The following SUGCT variants were observed in gnomAD, a reference collection of about 807,000 sequenced individuals.
SUGCT encodes the protein succinyl-CoA:glutarate-CoA transferase.
Under a neutral mutation model 55.0 loss-of-function variants are expected in SUGCT, and 41 were observed. The ratio of observed to expected loss-of-function variants is 0.74; its 90% CI spans 0.58 to 0.97. The LOEUF is 0.97. SUGCT is among the 50% of genes least tolerant of loss of function. The pLI, the probability that SUGCT is intolerant of heterozygous loss-of-function variation, is 0.00. For synonymous variants in SUGCT, 187 were observed against 200.4 expected (o/e 0.93, Z 0.56); for missense variants, 568 against 547.8 (o/e 1.04, Z -0.37).
rs1403827321 is a variant in SUGCT at position 40,459,267 on chromosome 7, A to G, written c.986+69A>G. 55 of 1,058,662 alleles carry G rather than the reference A, an allele frequency of 5.2e-5. 1 individual carries two copies. Among genetic ancestry groups the G allele is most frequent in the Non-Finnish European group, 7.2e-5 (52 of 724,366 alleles). 65.6% of individuals were successfully genotyped at this position (1,058,662 alleles called of 1,614,324 possible). ...GATAAGCATTTATCTGGTGTTTTATATGTTTTTTTCTTGGCTTATTTGAGA... is the reference window on the plus strand; with the variant it reads ...GATAAGCATTTATCTGGTGTTTTATGTGTTTTTTTCTTGGCTTATTTGAGA... On this transcript the variant is annotated intron_variant, in intron 11 of 13. Coordinates refer to ENST00000335693, the MANE Select transcript of SUGCT (RefSeq NM_001193313.2).
At chr7:40,729,431 G>A (rs1451957399) in intron 12 of SUGCT, among the ~76,000 whole-genome samples, 1 of 152,206 alleles carries the variant, frequency 6.6e-6, no homozygotes, top group Admixed American at 6.5e-5. Flanking sequence ...ACCAAATAAA[G>A]CTTCGCTAAA....
intron 12 of SUGCT, among the ~76,000 whole-genome samples, chr7:40,678,075 T>C (rs1377782339): frequency 6.6e-6 from 1 of 152,188 alleles, no homozygotes; most frequent in Non-Finnish European, 1.5e-5. Context: ...ATTCAAGATA[T>C]CAAAGCAGAA....
At chr7:40,594,092 G>C (rs971398823) in intron 12 of SUGCT, among the ~76,000 whole-genome samples, 1 of 151,886 alleles carries the variant, frequency 6.6e-6, no homozygotes, top group Non-Finnish European at 1.5e-5. Context: ...ACCAAACACC[G>C]CATATTCTCA....
At chr7:40,188,462 C>A in intron 3 of SUGCT, 33 bp from the exon 4 acceptor site, 1 of 1,400,536 alleles carries the variant, frequency 7.1e-7, no homozygotes, top group South Asian at 1.3e-5. Context: ...AAAACAAACC[C>A]CAAAGATTAA....
At chr7:40,682,150 T>G (rs997532968) in intron 12 of SUGCT, among the ~76,000 whole-genome samples, 2 of 152,176 alleles carry the variant, frequency 1.3e-5, no homozygotes, top group African/African-American at 4.8e-5. Flanking sequence ...TTCCTTTATT[T>G]CCATGCTTCG....
chr7:40,668,816 C>T (rs931904863), intron 12 of SUGCT, among the ~76,000 whole-genome samples: 10 of 152,142 alleles, frequency 6.6e-5, no homozygotes, highest in Non-Finnish European at 4.4e-5. Context: ...TAGACAATAA[C>T]TGCTGTACTC....
chr7:40,319,561 C>T (rs767163358), intron 9 of SUGCT, among the ~76,000 whole-genome samples: 4 of 152,140 alleles, frequency 2.6e-5, no homozygotes, highest in Non-Finnish European at 5.9e-5. Context: ...TCTTGTTGAA[C>T]CCTATCTGAA....
At chr7:40,232,899 T>C (rs766091940) in intron 6 of SUGCT, among the ~76,000 whole-genome samples, 3 of 152,224 alleles carry the variant, frequency 2.0e-5, no homozygotes, top group Non-Finnish European at 4.4e-5. Flanking sequence ...TTTTCCTCTT[T>C]AATTTAGATT....
chr7:40,895,020 T>C, the SUGCT span, among the ~76,000 whole-genome samples: 2 of 152,208 alleles, frequency 1.3e-5, no homozygotes, highest in Non-Finnish European at 2.9e-5. Context: ...TGTATGTTCA[T>C]TGCAGCACTA....
At chr7:40,201,696 G>A (rs1234350492) in intron 6 of SUGCT, among the ~76,000 whole-genome samples, 1 of 152,176 alleles carries the variant, frequency 6.6e-6, no homozygotes, top group Non-Finnish European at 1.5e-5. Flanking sequence ...TTGGAGCTAA[G>A]GACTGAGATT....
At chr7:40,562,645 T>G (rs1795903622) in intron 12 of SUGCT, among the ~76,000 whole-genome samples, 2 of 152,176 alleles carry the variant, frequency 1.3e-5, no homozygotes, top group Non-Finnish European at 2.9e-5. Flanking sequence ...GCTGTTATAA[T>G]AGCCTGGGAG....
chr7:40,426,408 C>A (rs931231358), intron 9 of SUGCT, among the ~76,000 whole-genome samples: 4 of 152,176 alleles, frequency 2.6e-5, no homozygotes, highest in African/African-American at 9.7e-5. Flanking sequence ...TCAACATTCA[C>A]CAGTGGGCTT....
At chr7:40,435,945 C>CTTTTCTTTTTT (rs745704083) in intron 9 of SUGCT, among the ~76,000 whole-genome samples, 1 of 114,600 alleles carries the variant, frequency 8.7e-6, no homozygotes, top group Non-Finnish European at 1.8e-5. Flanking sequence ...CTTTTCTTTT[C>CTTTTCTTTTTT]TTTTTTTTTT....
chr7:40,421,352 T>A (rs2151371280), intron 9 of SUGCT, among the ~76,000 whole-genome samples: 1 of 152,194 alleles, frequency 6.6e-6, no homozygotes, highest in Non-Finnish European at 1.5e-5. Flanking sequence ...TTCTCCTCAA[T>A]ACCCCACCTC....
At chr7:41,019,886 C>T in the SUGCT span, among the ~76,000 whole-genome samples, 4 of 152,162 alleles carry the variant, frequency 2.6e-5, no homozygotes, top group Non-Finnish European at 4.4e-5. Flanking sequence ...TTTTAATAAG[C>T]AGTAATCCCC....
At chr7:40,606,267 A>C (rs995856863) in intron 12 of SUGCT, among the ~76,000 whole-genome samples, 4 of 152,178 alleles carry the variant, frequency 2.6e-5, no homozygotes, top group Non-Finnish European at 5.9e-5. Context: ...CAAAGAAGGA[A>C]GCATTGAAGA....
chr7:40,734,249 A>G (rs192198928), intron 12 of SUGCT, among the ~76,000 whole-genome samples: 5 of 152,310 alleles, frequency 3.3e-5, no homozygotes, highest in Admixed American at 2.6e-4. Context: ...TGTGTCCCCA[A>G]TGACTCTTTT....
intron 12 of SUGCT, among the ~76,000 whole-genome samples, chr7:40,666,400 A>AAAGT (rs1801641636): frequency 6.8e-6 from 1 of 146,342 alleles, no homozygotes; most frequent in East Asian, 2.0e-4. Context: ...GGAAAGAAAG[A>AAAGT]AAGTAGGGTT....
chr7:40,900,504 C>T, the SUGCT span, among the ~76,000 whole-genome samples: 1 of 152,346 alleles, frequency 6.6e-6, no homozygotes, highest in East Asian at 1.9e-4. Flanking sequence ...AGAAAACTAT[C>T]TTTAGTCCCC....
Sources: gnomAD v4.1 joint callset for allele counts (sites outside exome capture counted in the v4.1 genomes callset) on GRCh38, gnomAD v4.1.1 for gene constraint, MANE v1.5 for transcripts, NCBI Gene and HGNC (gene_info 2026-07-23, HGNC 2026-07-21) for gene names.